Variants in SPMAP2L observed in about 807,000 individuals in gnomAD.
The protein encoded by SPMAP2L is sperm microtubule associated protein 2 like, also known as sperm microtubule associated protein 2-like.
chr4:56,530,925 T>A, the SPMAP2L span: 5 of 1,535,174 alleles, frequency 3.3e-6, no homozygotes, highest in Non-Finnish European at 4.4e-6. Context: ...ATGAGTCCTA[T>A]GAGCCCCACG....
the SPMAP2L span, among the ~76,000 whole-genome samples, chr4:56,556,998 C>G: frequency 6.6e-6 from 1 of 151,966 alleles, no homozygotes; most frequent in African/African-American, 2.4e-5. Context: ...CCTGTAATTC[C>G]AGCACTTTGA....
At chr4:56,569,160 A>G in the SPMAP2L span, among the ~76,000 whole-genome samples, 3 of 152,200 alleles carry the variant, frequency 2.0e-5, no homozygotes, top group South Asian at 6.2e-4. Flanking sequence ...ATTCCTCTTG[A>G]ATATATAGCA....
At chr4:56,604,528 C>T in the SPMAP2L span, among the ~76,000 whole-genome samples, 3 of 151,740 alleles carry the variant, frequency 2.0e-5, no homozygotes, top group Non-Finnish European at 4.4e-5. Flanking sequence ...TGTGGTGGTA[C>T]ACACCTGTAA....
chr4:56,593,983 T>A, the SPMAP2L span: 1 of 1,610,446 alleles, frequency 6.2e-7, no homozygotes, highest in South Asian at 1.1e-5. Flanking sequence ...AGATTCAGTG[T>A]GGCTGCTCAG....
chr4:56,618,094 G>A, the SPMAP2L span, among the ~76,000 whole-genome samples: 2 of 152,132 alleles, frequency 1.3e-5, no homozygotes, highest in African/African-American at 4.8e-5. Context: ...CATTTGGGTG[G>A]GAAGGCAGAT....
chr4:56,594,791 G>C, the SPMAP2L span: 1 of 1,524,098 alleles, frequency 6.6e-7, no homozygotes, highest in Non-Finnish European at 9.1e-7. Flanking sequence ...GAACATCAGT[G>C]ACGTGTGTGA....
chr4:56,590,749 C>T, the SPMAP2L span, among the ~76,000 whole-genome samples: 1 of 152,186 alleles, frequency 6.6e-6, no homozygotes, highest in African/African-American at 2.4e-5. Context: ...TGAATAAGTA[C>T]ATGATTATTT....
the SPMAP2L span, among the ~76,000 whole-genome samples, chr4:56,587,549 A>G: frequency 1.1e-4 from 16 of 150,358 alleles, no homozygotes; most frequent in African/African-American, 3.7e-4. Flanking sequence ...GCTCCCACAT[A>G]TCAGTGAAAA....
chr4:56,616,115 C>T, the SPMAP2L span, among the ~76,000 whole-genome samples: 1 of 152,082 alleles, frequency 6.6e-6, no homozygotes, highest in Admixed American at 6.5e-5. Flanking sequence ...GTGTCATAGT[C>T]CAGGTGGCTT....
the SPMAP2L span, among the ~76,000 whole-genome samples, chr4:56,581,847 G>A: frequency 2.6e-5 from 4 of 152,156 alleles, no homozygotes; most frequent in African/African-American, 9.7e-5. Context: ...AAACAGAATT[G>A]ATAGTGCAGA....
the SPMAP2L span, chr4:56,559,559 G>T: frequency 7.0e-7 from 1 of 1,431,078 alleles, no homozygotes; most frequent in Non-Finnish European, 9.1e-7. Flanking sequence ...TTATCAGGAG[G>T]TTTTTTGTTG....
At chr4:56,566,695 CTTT>C in the SPMAP2L span, among the ~76,000 whole-genome samples, 7,040 of 92,068 alleles carry the variant, frequency 0.076, 211 homozygotes, top group African/African-American at 0.16. Context: ...TTTTCTTTTT[CTTT>C]TTTTTTTTTT....
the SPMAP2L span, among the ~76,000 whole-genome samples, chr4:56,570,216 C>T: frequency 1.3e-5 from 2 of 152,206 alleles, no homozygotes; most frequent in East Asian, 3.9e-4. Flanking sequence ...AACATTCTCA[C>T]GAACCTACCC....
chr4:56,615,869 T>A, the SPMAP2L span, among the ~76,000 whole-genome samples: 1 of 152,184 alleles, frequency 6.6e-6, no homozygotes, highest in African/African-American at 2.4e-5. Context: ...GTGAGGCTCA[T>A]TTCAAAAGTT....
chr4:56,575,928 A>G, the SPMAP2L span, among the ~76,000 whole-genome samples: 1 of 152,278 alleles, frequency 6.6e-6, no homozygotes, highest in Non-Finnish European at 1.5e-5. Flanking sequence ...GGTTTTTGCA[A>G]TTTGTGGAAT....
At chr4:56,543,893 AGAGTGTGTGTGTGTGT>A in the SPMAP2L span, among the ~76,000 whole-genome samples, 6 of 132,372 alleles carry the variant, frequency 4.5e-5, no homozygotes, top group Admixed American at 1.5e-4. Flanking sequence ...AGAGAGAGAG[AGAGTGTGTGTGTGTGT>A]GTGTGTGTGT....
the SPMAP2L span, among the ~76,000 whole-genome samples, chr4:56,587,563 A>G: frequency 3.3e-5 from 5 of 151,522 alleles, no homozygotes; most frequent in Non-Finnish European, 5.9e-5. Flanking sequence ...GTGAAAACAT[A>G]CAGTGTTTGG....
At chr4:56,540,572 C>T in the SPMAP2L span, among the ~76,000 whole-genome samples, 1 of 150,406 alleles carries the variant, frequency 6.6e-6, no homozygotes, top group Non-Finnish European at 1.5e-5. Flanking sequence ...ATAATACCTT[C>T]TGATCAGTGG....
chr4:56,611,388 G>A, the SPMAP2L span, among the ~76,000 whole-genome samples: 1 of 152,126 alleles, frequency 6.6e-6, no homozygotes, highest in Admixed American at 6.6e-5. Context: ...GGATGCAAAG[G>A]CATAAGAATG....
Sources: gnomAD v4.1 joint callset for allele counts (sites outside exome capture counted in the v4.1 genomes callset) on GRCh38, gnomAD v4.1.1 for gene constraint, MANE v1.5 for transcripts, NCBI Gene and HGNC (gene_info 2026-07-23, HGNC 2026-07-21) for gene names.